Variants in KCNIP4 observed in about 807,000 individuals in gnomAD.
The protein encoded by KCNIP4 is Kv channel-interacting protein 4.
A neutral mutation model predicts 34.0 loss-of-function variants in KCNIP4; 12 were observed. That is an observed-to-expected ratio of 0.35 (90% CI 0.23 to 0.57). The LOEUF is 0.57. Among genes scored for constraint, KCNIP4 ranks in the 20% least tolerant of loss-of-function variants. The pLI, the probability that KCNIP4 is intolerant of heterozygous loss-of-function variation, is 0.83. For missense variants in KCNIP4, 238 were observed against 311.7 expected, an observed-to-expected ratio of 0.76 and a Z score of 1.78; for synonymous variants, 124 against 102.2, an observed-to-expected ratio of 1.21 and a Z score of -1.29.
At chr4:21,338,197 G>A (rs533010118) in intron 1 of KCNIP4, among the ~76,000 whole-genome samples, 58 of 134,210 alleles carry the variant, frequency 4.3e-4, no homozygotes, top group African/African-American at 1.5e-3. Context: ...CCCGGGAGGC[G>A]CAGTTTGCAG....
chr4:20,832,190 T>TTA (rs1332313356), intron 3 of KCNIP4, among the ~76,000 whole-genome samples: 1 of 152,164 alleles, frequency 6.6e-6, no homozygotes, highest in Non-Finnish European at 1.5e-5. Flanking sequence ...ATTATTATTA[T>TTA]TTTTTTCCTT....
At chr4:21,378,304 A>G (rs1404220755) in intron 1 of KCNIP4, among the ~76,000 whole-genome samples, 1 of 152,184 alleles carries the variant, frequency 6.6e-6, no homozygotes, top group Non-Finnish European at 1.5e-5. Context: ...CTTTTAATAT[A>G]CTTTTTTCAA....
intron 1 of KCNIP4, among the ~76,000 whole-genome samples, chr4:21,260,643 C>T (rs1012533396): frequency 2.0e-5 from 3 of 152,148 alleles, no homozygotes; most frequent in African/African-American, 7.2e-5. Context: ...TTCTGATGTC[C>T]ATAGTAGACA....
intron 3 of KCNIP4, among the ~76,000 whole-genome samples, chr4:20,848,617 T>G (rs1720658766): frequency 6.6e-6 from 1 of 152,146 alleles, no homozygotes; most frequent in South Asian, 2.1e-4. Flanking sequence ...ATGATGGCAG[T>G]AATCATGATT....
At chr4:20,835,932 TA>T (rs1171752918) in intron 3 of KCNIP4, among the ~76,000 whole-genome samples, 1 of 152,174 alleles carries the variant, frequency 6.6e-6, no homozygotes, top group East Asian at 1.9e-4. Flanking sequence ...AAATATAGAT[TA>T]AATACTTTCA....
chr4:20,730,039 A>C lies in KCNIP4; in HGVS notation c.*43T>G, dbSNP rs765980634. The C allele has an allele frequency of 5.7e-6, 9 of 1,587,456 alleles. No homozygotes were observed. Among genetic ancestry groups the C allele is most frequent in the South Asian group, 1.2e-5 (1 of 85,864 alleles). ...TAGCTCCAACTTTAAGGGTGGTAGA[A>C]TAGTTCACATTTGTCTGTTGGATTC... On this transcript the variant is annotated 3_prime_UTR_variant, in exon 9 of 9. Coordinates refer to ENST00000382152, the MANE Select transcript of KCNIP4 (RefSeq NM_025221.6).
At chr4:21,613,494 C>T (rs992552586) in intron 1 of KCNIP4, 2 of 152,118 alleles carry the variant, frequency 1.3e-5, no homozygotes, top group Admixed American at 6.6e-5. Context: ...ATGGATGCAA[C>T]CTCATGAGAG....
chr4:21,519,757 A>G (rs114805275), intron 1 of KCNIP4, among the ~76,000 whole-genome samples: 23,120 of 123,876 alleles, frequency 0.19, 2,698 homozygotes, highest in Middle Eastern at 0.28. Flanking sequence ...ACGTGTGTGT[A>G]TGTATGTGTG....
Position 21,247,988 on chromosome 4 carries a change from C to CACATATATATATAT in KCNIP4, c.62-365280_62-365279insATATATATATATGT, listed in dbSNP as rs1560213188. Among the ~76,000 whole-genome samples, 226 of 111,208 alleles carry CACATATATATATAT rather than the reference C, an allele frequency of 2.0e-3. 8 individuals carry two copies. The highest frequency in any genetic ancestry group is 8.6e-3 in the African/African-American group (204 of 23,670). The allele number at this position is 111,208 out of a possible 152,430, so 73.0% of individuals were successfully genotyped here. A position where few individuals can be genotyped will look rare whatever the true frequency, so the allele number is the denominator to read the frequency against. On this transcript the variant is annotated intron_variant, in intron 1 of 8. Coordinates refer to ENST00000382152, the MANE Select transcript of KCNIP4 (RefSeq NM_025221.6). Reference sequence around the variant, plus strand: ...ATACACACACATATATATATACACACACACACACACACACACCCCCCACAG... The same window carrying CACATATATATATAT: ...ATACACACACATATATATATACACACACATATATATATATACACACACACACACACCCCCCACAG...
At chr4:21,908,766 T>A (rs1045974868) in intron 1 of KCNIP4, among the ~76,000 whole-genome samples, 2 of 152,208 alleles carry the variant, frequency 1.3e-5, no homozygotes, top group Non-Finnish European at 1.5e-5. Context: ...TGTCTTATTA[T>A]ATTTTTCTTC....
intron 7 of KCNIP4, 36 bp downstream of exon 7, chr4:20,732,645 A>C (rs1348448780): frequency 1.4e-6 from 2 of 1,381,154 alleles, no homozygotes; most frequent in African/African-American, 2.9e-5. Context: ...TTTTCTCCTA[A>C]CTTCATGCCC....
intron 1 of KCNIP4, among the ~76,000 whole-genome samples, chr4:21,276,900 C>T (rs2162082): frequency 0.44 from 66,636 of 151,888 alleles, 15,294 homozygotes; most frequent in South Asian, 0.57. Context: ...TCTTTCTTCA[C>T]TATTTATTCT....
At chr4:21,180,434 G>A (rs1754755843) in intron 1 of KCNIP4, among the ~76,000 whole-genome samples, 1 of 151,848 alleles carries the variant, frequency 6.6e-6, no homozygotes, top group African/African-American at 2.4e-5. Flanking sequence ...TTTTTTTATG[G>A]TGAGAAACCA....
intron 1 of KCNIP4, among the ~76,000 whole-genome samples, chr4:21,462,466 C>A (rs917294906): frequency 1.3e-5 from 2 of 152,032 alleles, no homozygotes; most frequent in African/African-American, 4.8e-5. Context: ...AAAGACCTGC[C>A]CCCATGATTC....
chr4:21,210,197 TG>T (rs1757123773), intron 1 of KCNIP4, among the ~76,000 whole-genome samples: 1 of 152,224 alleles, frequency 6.6e-6, no homozygotes, highest in Non-Finnish European at 1.5e-5. Context: ...TAAAGACTGT[TG>T]CCTCATTAAC....
chr4:20,860,088 C>T (rs1397643669), intron 2 of KCNIP4, among the ~76,000 whole-genome samples: 1 of 152,064 alleles, frequency 6.6e-6, no homozygotes, highest in African/African-American at 2.4e-5. Context: ...TTGAAGCATT[C>T]CAAGAATAGT....
At chr4:21,266,161 G>T (rs574278695) in intron 1 of KCNIP4, among the ~76,000 whole-genome samples, 14 of 152,260 alleles carry the variant, frequency 9.2e-5, no homozygotes, top group Non-Finnish European at 1.6e-4. Flanking sequence ...AGCCCACACT[G>T]ATAACATCTG....
chr4:21,451,208 C>T (rs1377467179), intron 1 of KCNIP4, among the ~76,000 whole-genome samples: 1 of 152,056 alleles, frequency 6.6e-6, no homozygotes, highest in Non-Finnish European at 1.5e-5. Context: ...GTGGTTATTG[C>T]CATTCCTGAG....
At chr4:21,599,409 T>C (rs993936684) in intron 1 of KCNIP4, among the ~76,000 whole-genome samples, 2 of 151,948 alleles carry the variant, frequency 1.3e-5, no homozygotes, top group African/African-American at 2.4e-5. Flanking sequence ...GAAATTAATT[T>C]CGAAGTTCAC....
Sources: gnomAD v4.1 joint callset for allele counts (sites outside exome capture counted in the v4.1 genomes callset) on GRCh38, gnomAD v4.1.1 for gene constraint, MANE v1.5 for transcripts, NCBI Gene and HGNC (gene_info 2026-07-23, HGNC 2026-07-21) for gene names.